The following ASTN2 variants were observed in gnomAD, a reference collection of about 807,000 sequenced individuals.
The protein encoded by ASTN2 is astrotactin 2.
In ASTN2, 54 loss-of-function variants were observed where a neutral mutation model predicts 139.8. The ratio of observed to expected loss-of-function variants is 0.39; its 90% CI spans 0.31 to 0.48. The LOEUF (loss-of-function observed/expected upper bound fraction) is 0.48, where lower values mean the gene tolerates loss of function less well. Among genes scored for constraint, ASTN2 ranks in the 20% least tolerant of loss-of-function variants. The pLI is 0.95. For missense variants in ASTN2, 1,565 were observed against 1,725.1 expected, an observed-to-expected ratio of 0.91 and a Z score of 1.64; for synonymous variants, 756 against 719.5, an observed-to-expected ratio of 1.05 and a Z score of -0.81.
intron 3 of ASTN2, among the ~76,000 whole-genome samples, chr9:117,161,938 T>A (rs1477345215): frequency 1.3e-5 from 2 of 151,986 alleles, no homozygotes; most frequent in Non-Finnish European, 2.9e-5. Flanking sequence ...ATAATAGCCA[T>A]GTATGACATA....
intron 13 of ASTN2, among the ~76,000 whole-genome samples, chr9:116,801,114 C>T (rs1176071499): frequency 6.6e-6 from 1 of 152,074 alleles, no homozygotes; most frequent in Non-Finnish European, 1.5e-5. Flanking sequence ...TACTTGCTGG[C>T]TACTCTCTAG....
chr9:116,729,103 G>T lies in ASTN2; in HGVS notation c.2522-7C>A. 1 of 1,568,584 alleles carries T rather than the reference G, an allele frequency of 6.4e-7. No homozygotes were observed. The highest frequency in any genetic ancestry group is 8.7e-7 in the Non-Finnish European group (1 of 1,154,548). On this transcript the variant is annotated splice_region_variant and splice_polypyrimidine_tract_variant and intron_variant, in intron 14 of 22. Transcript: ENST00000313400. ...TCATCATACCTGATATCTCCTGGGAGAGAAAATAAGATGGTCACGTGAGCC... is the reference window on the plus strand; with the variant it reads ...TCATCATACCTGATATCTCCTGGGATAGAAAATAAGATGGTCACGTGAGCC...
At chr9:117,368,764 T>C (rs1312448023) in intron 1 of ASTN2, among the ~76,000 whole-genome samples, 1 of 152,210 alleles carries the variant, frequency 6.6e-6, no homozygotes, top group East Asian at 1.9e-4. Flanking sequence ...CATACATTTT[T>C]AACATGTTGG....
chr9:116,988,968 G>A (rs1158500718), intron 7 of ASTN2, among the ~76,000 whole-genome samples: 3 of 152,046 alleles, frequency 2.0e-5, no homozygotes, highest in African/African-American at 7.2e-5. Context: ...AATGCCATGA[G>A]GATAAAATAT....
chr9:117,261,436 G>T (rs781536978), intron 2 of ASTN2, among the ~76,000 whole-genome samples: 1 of 152,106 alleles, frequency 6.6e-6, no homozygotes, highest in Non-Finnish European at 1.5e-5. Context: ...CAGCTTCAAA[G>T]CACTTGGAAC....
At chr9:116,661,321 T>A (rs778547657) in intron 16 of ASTN2, among the ~76,000 whole-genome samples, 43 of 152,188 alleles carry the variant, frequency 2.8e-4, no homozygotes, top group Admixed American at 5.2e-4. Context: ...CAAAGAAGGA[T>A]CATTGTGTGC....
intron 4 of ASTN2, among the ~76,000 whole-genome samples, chr9:117,120,018 G>GTGTGTATATATATATA (rs1306397698): frequency 0.032 from 1,477 of 45,638 alleles, 54 homozygotes; most frequent in Middle Eastern, 0.08. Flanking sequence ...GTGTGTGTGT[G>GTGTGTATATATATATA]TATATATATA....
intron 17 of ASTN2, among the ~76,000 whole-genome samples, chr9:116,624,661 T>C (rs1349472075): frequency 6.6e-6 from 1 of 152,200 alleles, no homozygotes; most frequent in Admixed American, 6.5e-5. Flanking sequence ...ATGACTGTAA[T>C]TTTTACACTA....
chr9:116,596,399 A>C (rs1297130326), intron 19 of ASTN2, among the ~76,000 whole-genome samples: 1 of 152,204 alleles, frequency 6.6e-6, no homozygotes, highest in Admixed American at 6.5e-5. Context: ...TGTGTGCTTT[A>C]AAATGTGTTA....
intron 19 of ASTN2, among the ~76,000 whole-genome samples, chr9:116,487,980 G>C (rs1401443539): frequency 6.6e-6 from 1 of 152,124 alleles, no homozygotes; most frequent in Non-Finnish European, 1.5e-5. Context: ...TTAGGCATGG[G>C]TACTGGATTC....
intron 19 of ASTN2, among the ~76,000 whole-genome samples, chr9:116,573,013 GCACACA>G (rs143295727): frequency 5.1e-5 from 7 of 136,890 alleles, no homozygotes; most frequent in South Asian, 2.2e-4. Flanking sequence ...GTGGGTACAT[GCACACA>G]CACACACACA....
At chr9:116,820,497 G>C (rs1190437396) in intron 12 of ASTN2, 120 bp downstream of exon 12, 3 of 1,314,796 alleles carry the variant, frequency 2.3e-6, no homozygotes, top group Non-Finnish European at 3.1e-6. Flanking sequence ...AGGAAAGGCA[G>C]AAAGGCCATT....
intron 12 of ASTN2, among the ~76,000 whole-genome samples, chr9:116,813,561 A>C (rs1831223273): frequency 6.6e-6 from 1 of 152,178 alleles, no homozygotes; most frequent in South Asian, 2.1e-4. Context: ...GAAGGAGAAA[A>C]TTGAGACTGA....
At chr9:117,372,507 A>G (rs1331000415) in intron 1 of ASTN2, among the ~76,000 whole-genome samples, 2 of 152,188 alleles carry the variant, frequency 1.3e-5, no homozygotes, top group African/African-American at 4.8e-5. Context: ...CCTATTAGCT[A>G]TGTATATTTA....
intron 3 of ASTN2, among the ~76,000 whole-genome samples, chr9:117,177,068 A>T (rs1181062385): frequency 6.6e-6 from 1 of 152,220 alleles, no homozygotes; most frequent in African/African-American, 2.4e-5. Context: ...TAAAATAACC[A>T]TCTGGCCAAA....
intron 1 of ASTN2, among the ~76,000 whole-genome samples, chr9:117,365,404 C>A (rs993550127): frequency 6.6e-6 from 1 of 152,092 alleles, no homozygotes; most frequent in African/African-American, 2.4e-5. Context: ...ACTTCCACAT[C>A]TCAGGTTTCA....
intron 10 of ASTN2, among the ~76,000 whole-genome samples, chr9:116,876,272 G>A (rs1417309203): frequency 6.6e-6 from 1 of 152,188 alleles, no homozygotes. Flanking sequence ...AGATTTAGAG[G>A]TGGAGGTTGA....
At chr9:116,878,567 C>T (rs1833365007) in intron 10 of ASTN2, among the ~76,000 whole-genome samples, 1 of 151,952 alleles carries the variant, frequency 6.6e-6, no homozygotes, top group African/African-American at 2.4e-5. Context: ...GGGGGAGAGA[C>T]AGCATTAGCA....
At position 116,698,532 on chromosome 9, in the gene ASTN2, G is replaced by C. The variant is rs1861002629; in HGVS notation, c.2806+27239C>G. 1 of 1,613,852 alleles carries C rather than the reference G, an allele frequency of 6.2e-7. No individual in the cohort carries two copies. The highest frequency in any genetic ancestry group is 2.2e-5 in the East Asian group (1 of 44,876). On this transcript the variant is annotated intron_variant, in intron 16 of 22. Transcript: ENST00000313400. The surrounding 1 kb of genome is among the most constrained non-coding windows in gnomAD (Gnocchi z 4.4). ...GGAGACAGCTGATGAGGAGGAGCCA[G>C]AGCTCACTGCCAGCTTGCCTCGGGA... is the stretch of plus-strand genomic sequence containing the variant.
Sources: allele counts gnomAD v4.1 joint callset (sites outside exome capture counted in the v4.1 genomes callset), GRCh38; gene constraint gnomAD v4.1.1; non-coding constraint Gnocchi (gnomAD v3.1); transcripts MANE v1.5; gene names NCBI Gene and HGNC (gene_info 2026-07-23, HGNC 2026-07-21).